Variants in KLF12 observed in about 807,000 individuals in gnomAD.
The protein encoded by KLF12 is KLF transcription factor 12, also known as Krueppel-like factor 12.
KLF12 carries 9 observed loss-of-function variants against 37.8 expected under a neutral mutation model. The observed-to-expected ratio is 0.24, with a 90% confidence interval of 0.14 to 0.42. KLF12 has a LOEUF of 0.42. KLF12 is among the 10% of genes least tolerant of loss of function. The pLI is 1.00. For synonymous variants in KLF12, 208 were observed against 202.1 expected (o/e 1.03, Z -0.25); for missense variants, 411 against 516.0 (o/e 0.80, Z 1.97).
At chr13:73,726,705 G>T (rs1044617088) in intron 6 of KLF12, among the ~76,000 whole-genome samples, 3 of 152,098 alleles carry the variant, frequency 2.0e-5, no homozygotes, top group Non-Finnish European at 4.4e-5. Context: ...TGGACATTTG[G>T]GTTGATTCCA....
chr13:73,945,386 T>A (rs10219785), intron 2 of KLF12, among the ~76,000 whole-genome samples: 3 of 152,104 alleles, frequency 2.0e-5, no homozygotes, highest in African/African-American at 7.2e-5. Flanking sequence ...AGAGAATTAC[T>A]TGAACCTTGG....
intron 2 of KLF12, among the ~76,000 whole-genome samples, chr13:73,961,307 G>A (rs572668424): frequency 2.0e-5 from 3 of 152,112 alleles, no homozygotes; most frequent in East Asian, 1.9e-4. Context: ...AAATCTTTCC[G>A]GTTTCCTGCC....
At chr13:73,922,048 A>C (rs1443632096) in intron 3 of KLF12, among the ~76,000 whole-genome samples, 1 of 151,984 alleles carries the variant, frequency 6.6e-6, no homozygotes. Flanking sequence ...CAGTATGAAG[A>C]ATCAGGATTT....
intron 6 of KLF12, among the ~76,000 whole-genome samples, chr13:73,748,138 C>T (rs369033971): frequency 1.3e-5 from 2 of 152,172 alleles, no homozygotes; most frequent in African/African-American, 4.8e-5. Flanking sequence ...ACCAATATAA[C>T]CAGGCACACC....
chr13:73,771,645 C>T (rs1198116020), intron 5 of KLF12, among the ~76,000 whole-genome samples: 1 of 152,190 alleles, frequency 6.6e-6, no homozygotes, highest in Non-Finnish European at 1.5e-5. Context: ...TTACTATATG[C>T]GAGGTCTTGC....
At chr13:73,736,737 T>C (rs983113111) in intron 6 of KLF12, among the ~76,000 whole-genome samples, 1 of 152,154 alleles carries the variant, frequency 6.6e-6, no homozygotes, top group Non-Finnish European at 1.5e-5. Flanking sequence ...GGGTATGTTG[T>C]GGTCAAGTGT....
chr13:73,958,203 T>C (rs1268313208), intron 2 of KLF12, among the ~76,000 whole-genome samples: 3 of 152,152 alleles, frequency 2.0e-5, no homozygotes, highest in African/African-American at 7.2e-5. Context: ...ATTAATTACA[T>C]GTTGAATGGT....
At chr13:73,836,041 G>C (rs1481395034) in intron 4 of KLF12, among the ~76,000 whole-genome samples, 8 of 139,182 alleles carry the variant, frequency 5.7e-5, no homozygotes, top group Non-Finnish European at 1.1e-4. Flanking sequence ...ATTATTAAAA[G>C]AAAAAAAAAA....
intron 1 of KLF12, among the ~76,000 whole-genome samples, chr13:73,998,815 A>T (rs185116017): frequency 1.3e-5 from 2 of 152,344 alleles, no homozygotes. Context: ...AAAATATTTG[A>T]AGGTTAATCT....
At chr13:73,859,709 A>C (rs138587104) in intron 3 of KLF12, among the ~76,000 whole-genome samples, 1 of 152,288 alleles carries the variant, frequency 6.6e-6, no homozygotes, top group East Asian at 1.9e-4. Context: ...AGGACAACAA[A>C]AATCCTTCCT....
chr13:74,261,973 G>A, the KLF12 span, among the ~76,000 whole-genome samples: 1 of 152,154 alleles, frequency 6.6e-6, no homozygotes, highest in Non-Finnish European at 1.5e-5. Flanking sequence ...AGAGTGCTGT[G>A]CTGTGCTGTC....
chr13:74,244,018 G>A, the KLF12 span, among the ~76,000 whole-genome samples: 6 of 152,080 alleles, frequency 3.9e-5, no homozygotes, highest in East Asian at 1.9e-4. Context: ...TATGAGTATC[G>A]GAAACATCTA....
chr13:74,283,146 T>G, the KLF12 span, among the ~76,000 whole-genome samples: 2 of 152,232 alleles, frequency 1.3e-5, no homozygotes. Flanking sequence ...AGAGGAAATG[T>G]AGACTGCAAA....
At chr13:74,251,096 A>C in the KLF12 span, among the ~76,000 whole-genome samples, 1 of 152,034 alleles carries the variant, frequency 6.6e-6, no homozygotes, top group Non-Finnish European at 1.5e-5. Context: ...ATCTGAGTAA[A>C]TCACCCAGCT....
chr13:74,110,823 T>C (rs939316771), intron 1 of KLF12, among the ~76,000 whole-genome samples: 6 of 152,012 alleles, frequency 3.9e-5, no homozygotes, highest in Admixed American at 3.3e-4. Flanking sequence ...AATCTGCAAA[T>C]AGGATATGAG....
chr13:74,187,751 G>A, the KLF12 span, among the ~76,000 whole-genome samples: 1 of 152,234 alleles, frequency 6.6e-6, no homozygotes, highest in East Asian at 1.9e-4. Context: ...GACTCAGCAA[G>A]CCTTCATTCT....
intron 1 of KLF12, among the ~76,000 whole-genome samples, chr13:74,128,126 C>T (rs546129908): frequency 6.6e-6 from 1 of 152,112 alleles, no homozygotes; most frequent in Admixed American, 6.5e-5. Context: ...AGCTTGGATA[C>T]TTCACCTGTA....
At chr13:73,847,961 T>G (rs191093021) in intron 3 of KLF12, among the ~76,000 whole-genome samples, 1 of 152,202 alleles carries the variant, frequency 6.6e-6, no homozygotes, top group Non-Finnish European at 1.5e-5. Context: ...TGTTTCTTAT[T>G]ACTATATTAT....
At chr13:74,305,182 C>T in the KLF12 span, among the ~76,000 whole-genome samples, 1 of 152,184 alleles carries the variant, frequency 6.6e-6, no homozygotes, top group East Asian at 1.9e-4. Context: ...CACAGCTTGA[C>T]TGATATCAAT....
Sources: gnomAD v4.1 joint callset for allele counts (sites outside exome capture counted in the v4.1 genomes callset) on GRCh38, gnomAD v4.1.1 for gene constraint, MANE v1.5 for transcripts, NCBI Gene and HGNC (gene_info 2026-07-23, HGNC 2026-07-21) for gene names.